CHST9: variants seen among roughly 807,000 people sequenced by gnomAD.
The protein encoded by CHST9 is GalNAc-4-sulfotransferase 2.
CHST9 carries 41 observed loss-of-function variants against 44.4 expected under a neutral mutation model. The observed-to-expected ratio is 0.92, with a 90% CI of 0.72 to 1.20. The LOEUF (loss-of-function observed/expected upper bound fraction) is 1.20. Among genes scored for constraint, CHST9 ranks in the 50% most tolerant of loss-of-function variants. The probability of loss-of-function intolerance (pLI) is 0.00; values close to 1 mark genes in which losing one functional copy is unlikely to be tolerated. For synonymous variants in CHST9, 171 were observed against 178.4 expected, an observed-to-expected ratio of 0.96 and a Z score of 0.33; for missense variants, 504 against 516.5, an observed-to-expected ratio of 0.98 and a Z score of 0.23.
At position 26,917,121 on chromosome 18, in the gene CHST9, G is replaced by C. The variant is rs1157540303; in HGVS notation, c.470C>G (p.Pro157Arg). 6 of 1,613,868 alleles carry C rather than the reference G, an allele frequency of 3.7e-6. No homozygotes were observed. The highest frequency in any genetic ancestry group is 5.1e-6 in the Non-Finnish European group (6 of 1,179,856). The change falls in exon 6 of 6, where the codon CCT (proline) becomes CGT (arginine). Residue 157 changes from proline to arginine, a missense_variant. Coordinates refer to ENST00000618847, the MANE Select transcript of CHST9 (RefSeq NM_031422.6). ...ATCTTTGACTAAACTTTTGTTTAAA[G>C]GGTGAATGTCCACTGGCCAATTCAT... ...SNMNWPVDIH[P>R]LNKSLVKDNK...
chr18:27,142,566 G>T, intron 2 of CHST9, 123 bp downstream of exon 2: 3 of 665,404 alleles, frequency 4.5e-6, no homozygotes, highest in South Asian at 4.1e-5. Flanking sequence ...TTTATCTTAT[G>T]ACTCATTTTT....
Position 27,085,750 on chromosome 18 carries a change from C to G in CHST9, c.122-37247G>C, listed in dbSNP as rs189734282. On this transcript the variant is annotated intron_variant, in intron 2 of 5. Coordinates refer to ENST00000618847, the MANE Select transcript of CHST9 (RefSeq NM_031422.6). Reference sequence around the variant, plus strand: ...CTTAAAACAGAACTACCATTTGACCCAGCATTTCAGTTAATAGGTATATAC... The same window carrying G: ...CTTAAAACAGAACTACCATTTGACCGAGCATTTCAGTTAATAGGTATATAC... Among the ~76,000 whole-genome samples, 3 of 152,198 alleles carry G rather than the reference C, an allele frequency of 2.0e-5. No homozygotes were observed. In the East Asian group the frequency reaches 5.8e-4, roughly 29 times the overall value.
chr18:27,159,288 A>G (rs1192514813), intron 1 of CHST9, among the ~76,000 whole-genome samples: 4 of 152,168 alleles, frequency 2.6e-5, no homozygotes, highest in African/African-American at 9.7e-5. Context: ...TTTTTGTATA[A>G]GGTATAAGGA....
At chr18:26,969,424 G>A (rs1190839020) in intron 4 of CHST9, among the ~76,000 whole-genome samples, 10 of 150,256 alleles carry the variant, frequency 6.7e-5, no homozygotes, top group African/African-American at 2.5e-4. Context: ...AATAATAAAA[G>A]GATAGAAGTC....
At chr18:26,976,480 T>C (rs1400482108) in intron 4 of CHST9, among the ~76,000 whole-genome samples, 1 of 152,130 alleles carries the variant, frequency 6.6e-6, no homozygotes, top group Non-Finnish European at 1.5e-5. Flanking sequence ...TCCAGAGTCC[T>C]TTCCAGTCCC....
intron 3 of CHST9, among the ~76,000 whole-genome samples, chr18:27,041,177 G>A (rs768053242): frequency 5.3e-5 from 8 of 152,044 alleles, no homozygotes; most frequent in African/African-American, 9.7e-5. Context: ...GACCTGCTTC[G>A]TCTCATGCTG....
At chr18:26,973,309 GAGTGGTACCTGGCA>G (rs2056576320) in intron 4 of CHST9, among the ~76,000 whole-genome samples, 1 of 152,188 alleles carries the variant, frequency 6.6e-6, no homozygotes, top group Non-Finnish European at 1.5e-5. Flanking sequence ...CCAGTGTCTA[GAGTGGTACCTGGCA>G]GAATTAGGCA....
At chr18:27,009,866 T>C (rs1013208625) in intron 4 of CHST9, among the ~76,000 whole-genome samples, 1 of 152,214 alleles carries the variant, frequency 6.6e-6, no homozygotes, top group African/African-American at 2.4e-5. Flanking sequence ...TTTGGTAGAA[T>C]CATATCCATG....
At chr18:27,184,156 T>C (rs866829242) in intron 1 of CHST9, among the ~76,000 whole-genome samples, 16 of 152,144 alleles carry the variant, frequency 1.1e-4, no homozygotes, top group Admixed American at 1.3e-4. Flanking sequence ...TTGGATCTGA[T>C]AGCATAATAG....
At chr18:27,014,184 A>AACAC (rs756333904) in intron 4 of CHST9, among the ~76,000 whole-genome samples, 1 of 151,856 alleles carries the variant, frequency 6.6e-6, no homozygotes, top group Non-Finnish European at 1.5e-5. Flanking sequence ...AATTTTAGTT[A>AACAC]ACACACACAC....
chr18:27,078,357 T>A (rs1330767207), intron 2 of CHST9, among the ~76,000 whole-genome samples: 1 of 152,138 alleles, frequency 6.6e-6, no homozygotes, highest in African/African-American at 2.4e-5. Context: ...CACATTGAAA[T>A]GTATAGTCAG....
At chr18:26,947,840 G>C (rs577909064) in intron 4 of CHST9, among the ~76,000 whole-genome samples, 1 of 152,150 alleles carries the variant, frequency 6.6e-6, no homozygotes, top group Non-Finnish European at 1.5e-5. Flanking sequence ...ACAATGTGGC[G>C]ACTCCTCAAG....
At chr18:26,984,796 G>A (rs528004596) in intron 4 of CHST9, among the ~76,000 whole-genome samples, 32 of 149,086 alleles carry the variant, frequency 2.1e-4, no homozygotes, top group African/African-American at 7.6e-4. Flanking sequence ...AAATAAAAAA[G>A]TCTATATTGT....
intron 2 of CHST9, among the ~76,000 whole-genome samples, chr18:27,068,693 G>A (rs1325138597): frequency 6.6e-6 from 1 of 152,136 alleles, no homozygotes; most frequent in Admixed American, 6.5e-5. Context: ...GGAAGTCAGA[G>A]GTTCAAGTTT....
chr18:27,102,371 G>T (rs183492714), intron 2 of CHST9, among the ~76,000 whole-genome samples: 2 of 152,242 alleles, frequency 1.3e-5, no homozygotes, highest in East Asian at 3.9e-4. Context: ...GTGTTGTGAT[G>T]ATTAAGGCTT....
chr18:26,921,886 C>A (rs1315079097), intron 5 of CHST9, among the ~76,000 whole-genome samples: 4 of 152,154 alleles, frequency 2.6e-5, no homozygotes, highest in Non-Finnish European at 5.9e-5. Flanking sequence ...CTCACAAAAT[C>A]TGAGAGATGC....
At chr18:26,980,630 A>T (rs1261676823) in intron 4 of CHST9, among the ~76,000 whole-genome samples, 1 of 152,116 alleles carries the variant, frequency 6.6e-6, no homozygotes, top group East Asian at 1.9e-4. Flanking sequence ...TTCCTCTAAA[A>T]ATTCTTAGGG....
At chr18:27,168,626 T>A (rs1408621047) in intron 1 of CHST9, among the ~76,000 whole-genome samples, 2 of 152,098 alleles carry the variant, frequency 1.3e-5, no homozygotes, top group Non-Finnish European at 2.9e-5. Flanking sequence ...GTTTTAGATA[T>A]TAATGAGAAA....
At chr18:26,934,489 C>G (rs907125969) in intron 5 of CHST9, 1 of 152,220 alleles carries the variant, frequency 6.6e-6, no homozygotes, top group Non-Finnish European at 1.5e-5. Context: ...CCGCCCCCGC[C>G]TCCCAAAGTG....
Sources: allele counts gnomAD v4.1 joint callset (sites outside exome capture counted in the v4.1 genomes callset), GRCh38; gene constraint gnomAD v4.1.1; transcripts MANE v1.5; gene names NCBI Gene and HGNC (gene_info 2026-07-23, HGNC 2026-07-21).